The following SCYL2 variants were observed in gnomAD, a reference collection of about 807,000 sequenced individuals.
The protein encoded by SCYL2 is SCY1-like protein 2.
SCYL2 carries 36 observed loss-of-function variants against 100.4 expected under a neutral mutation model. The observed-to-expected ratio is 0.36, with a 90% CI of 0.27 to 0.47. The LOEUF is 0.47. Among genes scored for constraint, SCYL2 ranks in the 20% least tolerant of loss-of-function variants. The pLI, the probability that SCYL2 is intolerant of heterozygous loss-of-function variation, is 1.00. For synonymous variants in SCYL2, 330 were observed against 359.2 expected, an observed-to-expected ratio of 0.92 and a Z score of 0.92; for missense variants, 902 against 1,083.9, an observed-to-expected ratio of 0.83 and a Z score of 2.36.
intron 2 of SCYL2, among the ~76,000 whole-genome samples, chr12:100,289,445 T>C (rs578085473): frequency 2.0e-5 from 3 of 152,340 alleles, no homozygotes; most frequent in African/African-American, 7.2e-5. Context: ...ATAATATTTG[T>C]CTCGTAGGGT....
intron 12 of SCYL2, among the ~76,000 whole-genome samples, chr12:100,327,791 G>T (rs149492375): frequency 6.6e-6 from 1 of 151,878 alleles, no homozygotes; most frequent in Non-Finnish European, 1.5e-5. Flanking sequence ...TGGGATTACC[G>T]CCTGGTTCTT....
intron 1 of SCYL2, among the ~76,000 whole-genome samples, chr12:100,282,319 C>CTTTT (rs1180915936): frequency 2.7e-4 from 23 of 85,606 alleles, no homozygotes; most frequent in East Asian, 5.9e-4. Flanking sequence ...CACTTTTAGT[C>CTTTT]TTTTTTTTTT....
chr12:100,271,052 A>G (rs773461167), intron 1 of SCYL2, among the ~76,000 whole-genome samples: 4 of 152,278 alleles, frequency 2.6e-5, no homozygotes, highest in South Asian at 2.1e-4. Context: ...GAGAATGATT[A>G]TACTCAGCTG....
chr12:100,337,340 G>T, intron 16 of SCYL2, 47 bp from the exon 17 acceptor site: 2 of 1,595,156 alleles, frequency 1.3e-6, no homozygotes, highest in Non-Finnish European at 1.7e-6. Flanking sequence ...TTTTACAAAT[G>T]GACTTAATAA....
intron 11 of SCYL2, among the ~76,000 whole-genome samples, chr12:100,324,007 C>T (rs1446497790): frequency 6.6e-6 from 1 of 152,012 alleles, no homozygotes; most frequent in Non-Finnish European, 1.5e-5. Flanking sequence ...TATAAATAGC[C>T]TTTATTTTTA....
intron 5 of SCYL2, among the ~76,000 whole-genome samples, chr12:100,311,598 T>C (rs2096342267): frequency 1.3e-5 from 2 of 152,192 alleles, no homozygotes; most frequent in Admixed American, 1.3e-4. Context: ...TCTGTACTTA[T>C]TTAATCCTCA....
intron 10 of SCYL2, among the ~76,000 whole-genome samples, chr12:100,320,586 A>AAATAAATAAAT (rs1555320956): frequency 2.1e-3 from 315 of 147,380 alleles, no homozygotes; most frequent in African/African-American, 3.8e-3. Flanking sequence ...ATAAATAAAT[A>AAATAAATAAAT]AATAAATAAA....
intron 1 of SCYL2, among the ~76,000 whole-genome samples, chr12:100,277,445 G>A (rs1397106478): frequency 6.6e-6 from 1 of 152,034 alleles, no homozygotes; most frequent in African/African-American, 2.4e-5. Flanking sequence ...TCTCTTATTG[G>A]GTGTGTACAG....
intron 5 of SCYL2, 88 bp from the exon 6 acceptor site, chr12:100,312,344 G>A (rs1310827823): frequency 8.1e-6 from 8 of 985,094 alleles, no homozygotes; most frequent in Admixed American, 4.4e-5. Flanking sequence ...TTGCATGACC[G>A]AGTAGAAATT....
intron 2 of SCYL2, among the ~76,000 whole-genome samples, chr12:100,287,198 T>C (rs2096305309): frequency 6.6e-6 from 1 of 152,212 alleles, no homozygotes; most frequent in Non-Finnish European, 1.5e-5. Flanking sequence ...ATCATGTAAT[T>C]TAAATTTTAT....
At position 100,298,251 on chromosome 12, in the gene SCYL2, C is replaced by A. The variant is rs2096323336; in HGVS notation, c.480+76C>A. On this transcript the variant is annotated intron_variant, in intron 4 of 17. Coordinates refer to ENST00000360820, the MANE Select transcript of SCYL2 (RefSeq NM_017988.6). ...GTTTTGGCATTTCAAACTTATTAAC[C>A]ATGTAAAACTATTTTAGGTAAACTT... The A allele has an allele frequency of 8.6e-6, 9 of 1,043,068 alleles. No individual in the cohort carries two copies. The South Asian group carries it at 1.4e-4, about 16-fold the overall frequency. The allele number at this position is 1,043,068 out of a possible 1,614,324, so 64.6% of individuals were successfully genotyped here. A position where few individuals can be genotyped will look rare whatever the true frequency, so the allele number is the denominator to read the frequency against.
chr12:100,269,352 C>T (rs2096284648), intron 1 of SCYL2, among the ~76,000 whole-genome samples: 1 of 151,996 alleles, frequency 6.6e-6, no homozygotes, highest in South Asian at 2.1e-4. Flanking sequence ...TATGCCTATT[C>T]ATCATTCAGC....
intron 1 of SCYL2, among the ~76,000 whole-genome samples, chr12:100,271,855 G>C (rs767108360): frequency 1.3e-5 from 2 of 152,174 alleles, no homozygotes; most frequent in African/African-American, 4.8e-5. Flanking sequence ...CATGTTATTT[G>C]AAAATTCAGG....
rs760409001 is a variant in SCYL2, at chr12:100,312,635, C to T, written c.834C>T (p.Phe278=). The T allele has an allele frequency of 1.2e-6, 2 of 1,611,094 alleles. No individual in the cohort carries two copies. The highest frequency in any genetic ancestry group is 1.7e-6 in the Non-Finnish European group (2 of 1,178,282). Reference sequence around the variant, plus strand: ...ACAAGCAAGATATTTACAAGAGTTTCAGTAGGCAGTTGGATCAGGTATTTG... The same window carrying T: ...ACAAGCAAGATATTTACAAGAGTTTTAGTAGGCAGTTGGATCAGGTATTTG... ...EVNKQDIYKS[F]SRQLDQLSRL... The change falls in exon 6 of 18, where the codon TTC becomes TTT. Residue 278 remains phenylalanine, a synonymous_variant. Coordinates refer to ENST00000360820, the MANE Select transcript of SCYL2 (RefSeq NM_017988.6).
At chr12:100,281,396 A>G (rs554112728) in intron 1 of SCYL2, among the ~76,000 whole-genome samples, 1 of 152,256 alleles carries the variant, frequency 6.6e-6, no homozygotes, top group South Asian at 2.1e-4. Context: ...TTTATAAAAT[A>G]CCAATTTGGG....
intron 4 of SCYL2, among the ~76,000 whole-genome samples, 188 bp from the exon 5 acceptor site, chr12:100,310,856 A>C (rs1255108589): frequency 6.6e-6 from 1 of 152,180 alleles, no homozygotes; most frequent in Non-Finnish European, 1.5e-5. Flanking sequence ...TTTTCTCACT[A>C]ATCTTCAGAT....
At chr12:100,282,907 A>G in intron 1 of SCYL2, 36 bp from the exon 2 acceptor site, 1 of 1,007,144 alleles carries the variant, frequency 9.9e-7, no homozygotes, top group South Asian at 1.8e-5. Flanking sequence ...ATAGATAAGA[A>G]ATGATCAGTT....
intron 1 of SCYL2, among the ~76,000 whole-genome samples, chr12:100,274,834 AC>A: frequency 6.6e-6 from 1 of 152,116 alleles, no homozygotes. Context: ...GGGCTTTAAA[AC>A]CTTGGTTTGT....
intron 4 of SCYL2, among the ~76,000 whole-genome samples, chr12:100,304,767 C>G (rs2096332106): frequency 6.6e-6 from 1 of 151,388 alleles, no homozygotes; most frequent in Admixed American, 6.6e-5. Flanking sequence ...ATCTCACGTG[C>G]AAAGACACAC....
Sources: allele counts gnomAD v4.1 joint callset (sites outside exome capture counted in the v4.1 genomes callset), GRCh38; gene constraint gnomAD v4.1.1; transcripts MANE v1.5; gene names NCBI Gene and HGNC (gene_info 2026-07-23, HGNC 2026-07-21).